The following GVQW3 variants were observed in gnomAD, a reference collection of about 807,000 sequenced individuals.
GVQW3 encodes GVQW motif containing 3.
A neutral mutation model predicts 12.5 loss-of-function variants in GVQW3; 7 were observed. The observed-to-expected ratio is 0.56, with a 90% CI of 0.32 to 1.05. GVQW3 has a LOEUF of 1.05. Among genes scored for constraint, GVQW3 ranks in the 50% least tolerant of loss-of-function variants. GVQW3 has a pLI of 0.04. For missense variants in GVQW3, 188 were observed against 190.8 expected, an observed-to-expected ratio of 0.99 and a Z score of 0.09; for synonymous variants, 71 against 67.2, an observed-to-expected ratio of 1.06 and a Z score of -0.28.
intron 1 of GVQW3, chr11:76,390,180 A>C (rs1471602750): frequency 1.3e-5 from 2 of 152,186 alleles, no homozygotes; most frequent in Non-Finnish European, 2.9e-5. Flanking sequence ...ACACAAGGTA[A>C]ATACATATTT....
At chr11:76,394,333 C>T (rs1946920776) in intron 1 of GVQW3, among the ~76,000 whole-genome samples, 1 of 152,118 alleles carries the variant, frequency 6.6e-6, no homozygotes, top group Non-Finnish European at 1.5e-5. Flanking sequence ...CCCCCCACCC[C>T]ACCCTCCACT....
chr11:76,412,266 A>G (rs934515979), downstream of GVQW3: 7 of 152,236 alleles, frequency 4.6e-5, no homozygotes, highest in African/African-American at 1.7e-4. Context: ...GACAAATGCA[A>G]TTGCCATAGG....
chr11:76,388,622 C>T (rs1946860544), intron 1 of GVQW3, among the ~76,000 whole-genome samples: 2 of 151,064 alleles, frequency 1.3e-5, no homozygotes, highest in African/African-American at 4.9e-5. Flanking sequence ...TCTTGTGTGC[C>T]GAGATACAGC....
intron 1 of GVQW3, among the ~76,000 whole-genome samples, chr11:76,399,008 C>A (rs1946963849): frequency 6.6e-6 from 1 of 152,096 alleles, no homozygotes; most frequent in Admixed American, 6.6e-5. Flanking sequence ...AGTTAACATT[C>A]CTTTTGATAA....
At chr11:76,387,691 C>CG (rs1195966221) in intron 1 of GVQW3, among the ~76,000 whole-genome samples, 4 of 152,092 alleles carry the variant, frequency 2.6e-5, no homozygotes, top group Non-Finnish European at 4.4e-5. Flanking sequence ...GAGGCTGAGG[C>CG]GGGCAGATTG....
At chr11:76,392,483 G>A (rs1295963880) in intron 1 of GVQW3, 1 of 152,228 alleles carries the variant, frequency 6.6e-6, no homozygotes, top group Non-Finnish European at 1.5e-5. Flanking sequence ...CGCACATTTA[G>A]TTGGTGGCAG....
At chr11:76,392,493 G>C (rs976804654) in intron 1 of GVQW3, 25 of 152,212 alleles carry the variant, frequency 1.6e-4, no homozygotes, top group African/African-American at 6.0e-4. Flanking sequence ...GTTGGTGGCA[G>C]AGCCAGGATA....
chr11:76,414,171 C>G (rs937377245), exon 2 of GVQW3: 2 of 152,148 alleles, frequency 1.3e-5, no homozygotes, highest in Non-Finnish European at 2.9e-5. Flanking sequence ...CAAAATGATG[C>G]TCCCATACTT....
intron 1 of GVQW3, chr11:76,382,719 CCTTAG>C: frequency 2.5e-6 from 1 of 393,942 alleles, no homozygotes; most frequent in Non-Finnish European, 4.6e-6. Flanking sequence ...TCTGCCCAGA[CCTTAG>C]CTTGTTGTGG....
chr11:76,396,469 C>T (rs2134552947), intron 1 of GVQW3, among the ~76,000 whole-genome samples: 1 of 152,194 alleles, frequency 6.6e-6, no homozygotes, highest in South Asian at 2.1e-4. Flanking sequence ...TGCCTGCCAC[C>T]ACACCCAGCT....
chr11:76,397,362 A>C (rs553155218), intron 1 of GVQW3, among the ~76,000 whole-genome samples: 36 of 152,246 alleles, frequency 2.4e-4, no homozygotes, highest in Non-Finnish European at 2.9e-5. Flanking sequence ...CATTCTATTT[A>C]TTTATCAGTT....
intron 1 of GVQW3, chr11:76,382,653 C>T: frequency 1.9e-6 from 1 of 514,334 alleles, no homozygotes; most frequent in Non-Finnish European, 3.4e-6. Flanking sequence ...TTGGCTGTTC[C>T]CTTCTGGTAT....
chr11:76,408,398 T>C (rs995609903), downstream of GVQW3: 1 of 152,178 alleles, frequency 6.6e-6, no homozygotes, highest in South Asian at 2.1e-4. Context: ...TGTAAGTTAG[T>C]CTTTGACTTT....
In GVQW3 at chr11:76,405,214, C is replaced by T. The variant is rs568835111; in HGVS notation, c.*1456C>T. ...TCCTGTTTCATCAGGAAAGCAAAAG[C>T]TCTCCCAGTAACTCCCAGCAGAGTT... On this transcript the variant is annotated 3_prime_UTR_variant, in exon 2 of 2. Coordinates refer to ENST00000529331, the MANE Select transcript of GVQW3 (RefSeq NM_001347885.2). The T allele has an allele frequency of 2.0e-5, 3 of 152,320 alleles. No homozygotes were observed. The highest frequency in any genetic ancestry group is 7.2e-5 in the African/African-American group (3 of 41,562). 9.4% of individuals were successfully genotyped at this position (152,320 alleles called of 1,614,324 possible). A position where few individuals can be genotyped will look rare whatever the true frequency, so the allele number is the denominator to read the frequency against.
intron 1 of GVQW3, among the ~76,000 whole-genome samples, chr11:76,397,209 G>A (rs866854360): frequency 2.0e-5 from 3 of 151,912 alleles, no homozygotes; most frequent in Middle Eastern, 3.4e-3. Context: ...TCACCATGTT[G>A]GCCAGGATGG....
At chr11:76,410,479 A>T (rs1483933194), downstream of GVQW3, among the ~76,000 whole-genome samples, 2 of 152,010 alleles carry the variant, frequency 1.3e-5, no homozygotes, top group East Asian at 3.8e-4. Context: ...TGACACCAGA[A>T]CAGTGCTTTG....
chr11:76,397,593 C>T (rs1183083392), intron 1 of GVQW3, among the ~76,000 whole-genome samples: 1 of 152,118 alleles, frequency 6.6e-6, no homozygotes, highest in Non-Finnish European at 1.5e-5. Context: ...TGATTTGTAA[C>T]ATTTGTTAAT....
chr11:76,387,469 A>C (rs1252627157), intron 1 of GVQW3, among the ~76,000 whole-genome samples: 1 of 152,204 alleles, frequency 6.6e-6, no homozygotes, highest in Non-Finnish European at 1.5e-5. Context: ...AGGCCATAGA[A>C]AAACAGATGG....
intron 1 of GVQW3, among the ~76,000 whole-genome samples, chr11:76,388,446 A>G (rs1946858242): frequency 1.3e-5 from 2 of 152,156 alleles, no homozygotes; most frequent in Non-Finnish European, 2.9e-5. Flanking sequence ...GTAGAATCTC[A>G]GCATTGAACA....
Sources: allele counts gnomAD v4.1 joint callset (sites outside exome capture counted in the v4.1 genomes callset), GRCh38; gene constraint gnomAD v4.1.1; transcripts MANE v1.5; gene names NCBI Gene and HGNC (gene_info 2026-07-23, HGNC 2026-07-21).